C8orf89: variants seen among roughly 807,000 people sequenced by gnomAD.
The protein encoded by C8orf89 is putative uncharacterized protein C8orf89.
In C8orf89, 14 loss-of-function variants were observed where a neutral mutation model predicts 15.8. The observed-to-expected ratio is 0.89, with a 90% CI of 0.59 to 1.39. The LOEUF is 1.39. Among genes scored for constraint, C8orf89 ranks in the 40% most tolerant of loss-of-function variants. The pLI is 0.00. For synonymous variants in C8orf89, 55 were observed against 62.2 expected (o/e 0.88, Z 0.54); for missense variants, 181 against 184.5 (o/e 0.98, Z 0.11).
upstream of C8orf89, among the ~76,000 whole-genome samples, chr8:73,261,062 T>C (rs1043456322): frequency 2.0e-5 from 3 of 152,178 alleles, no homozygotes; most frequent in African/African-American, 7.2e-5. Flanking sequence ...CAGTGATTTG[T>C]CAGGGGCTCT....
chr8:73,259,848 GCTTA>G (rs1191672994), upstream of C8orf89, among the ~76,000 whole-genome samples: 4 of 152,034 alleles, frequency 2.6e-5, no homozygotes, highest in African/African-American at 9.7e-5. Flanking sequence ...CACTTACCCT[GCTTA>G]CTTAATATAT....
At chr8:73,273,999 T>G in the C8orf89 span, among the ~76,000 whole-genome samples, 1 of 152,144 alleles carries the variant, frequency 6.6e-6, no homozygotes, top group Non-Finnish European at 1.5e-5. Context: ...CAAATTATGC[T>G]TTTCTGAAAC....
chr8:73,273,434 C>T, the C8orf89 span, among the ~76,000 whole-genome samples: 3 of 152,244 alleles, frequency 2.0e-5, no homozygotes, highest in Non-Finnish European at 2.9e-5. Flanking sequence ...GGCGTGTGCT[C>T]GCTCAGGGAG....
At chr8:73,260,557 C>T (rs556284530), upstream of C8orf89, among the ~76,000 whole-genome samples, 3 of 152,048 alleles carry the variant, frequency 2.0e-5, no homozygotes, top group Admixed American at 6.6e-5. Context: ...AGAAAGAAAA[C>T]GGATAATACA....
the C8orf89 span, among the ~76,000 whole-genome samples, chr8:73,266,144 G>C: frequency 6.6e-6 from 1 of 152,300 alleles, no homozygotes; most frequent in Middle Eastern, 3.4e-3. Context: ...ACCTTTTCTT[G>C]TATCTCCATT....
chr8:73,249,500 C>A lies in C8orf89; in HGVS notation c.337+768G>T, dbSNP rs1237655187. Among the ~76,000 whole-genome samples, 4 of 152,092 alleles carry A rather than the reference C, an allele frequency of 2.6e-5. No homozygotes were observed. The South Asian group carries it at 8.3e-4, about 32-fold the overall frequency. The stretch of plus-strand genomic sequence containing the variant: ...ATAGTTTCAGTGTGAATGGTACCAG[C>A]TCTTTTTGTACATCTGGTAGAATTC... On this transcript the variant is annotated intron_variant, in intron 3 of 3. Coordinates refer to ENST00000624510, the MANE Select transcript of C8orf89 (RefSeq NM_001243237.3).
At chr8:73,278,471 A>C in the C8orf89 span, among the ~76,000 whole-genome samples, 1 of 152,126 alleles carries the variant, frequency 6.6e-6, no homozygotes, top group South Asian at 2.1e-4. Flanking sequence ...TGAGGGGCCA[A>C]ACCACCTGGC....
chr8:73,255,314 A>G (rs1347660677), intron 2 of C8orf89, among the ~76,000 whole-genome samples: 5 of 152,152 alleles, frequency 3.3e-5, no homozygotes, highest in Admixed American at 6.5e-5. Context: ...CGAAGGACAC[A>G]AACAGACACT....
chr8:73,280,505 G>C, the C8orf89 span, among the ~76,000 whole-genome samples: 1 of 152,052 alleles, frequency 6.6e-6, no homozygotes. Context: ...TGAGTAGCTG[G>C]GATTACAGGC....
chr8:73,243,203 G>A lies in C8orf89; in HGVS notation c.338-1598C>T, dbSNP rs374997125. ...GCGGGGGAAGTGGGGATGGTTTATA[G>A]GTACAAAAAATACAAAGAATGAATA... On this transcript the variant is annotated intron_variant, in intron 3 of 3. Coordinates refer to ENST00000624510, the MANE Select transcript of C8orf89 (RefSeq NM_001243237.3). 1.6e-4 allele frequency among the ~76,000 whole-genome samples: 25 copies of A among 152,122 alleles called. No homozygotes were observed. The East Asian group carries it at 3.1e-3, about 19-fold the overall frequency.
the C8orf89 span, among the ~76,000 whole-genome samples, chr8:73,283,249 G>C: frequency 1.3e-5 from 2 of 152,226 alleles, no homozygotes; most frequent in Non-Finnish European, 2.9e-5. Flanking sequence ...AATTGTGCAA[G>C]TTACTGGAGA....
chr8:73,252,826 T>G (rs1813277212), intron 2 of C8orf89, among the ~76,000 whole-genome samples: 1 of 152,200 alleles, frequency 6.6e-6, no homozygotes, highest in African/African-American at 2.4e-5. Flanking sequence ...TCACTTTTTT[T>G]AATACTACCA....
the C8orf89 span, among the ~76,000 whole-genome samples, chr8:73,281,523 G>A: frequency 2.0e-5 from 3 of 152,318 alleles, no homozygotes; most frequent in East Asian, 5.8e-4. Flanking sequence ...CATGGTCTAT[G>A]GGAGGTAGTG....
At chr8:73,274,085 G>A in the C8orf89 span, among the ~76,000 whole-genome samples, 1 of 151,774 alleles carries the variant, frequency 6.6e-6, no homozygotes, top group Non-Finnish European at 1.5e-5. Flanking sequence ...CTTGTCAAAA[G>A]GACTTTTTTT....
the C8orf89 span, among the ~76,000 whole-genome samples, chr8:73,267,043 T>C: frequency 2.6e-5 from 4 of 152,212 alleles, no homozygotes; most frequent in Admixed American, 2.6e-4. Context: ...GAATATTAAC[T>C]TTAATGGATT....
the C8orf89 span, among the ~76,000 whole-genome samples, chr8:73,279,971 G>A: frequency 1.9e-4 from 29 of 152,340 alleles, no homozygotes; most frequent in Non-Finnish European, 3.4e-4. Context: ...TTCCAGCTGA[G>A]GCTCCAGACA....
chr8:73,243,874 A>G lies in C8orf89; in HGVS notation c.338-2269T>C, dbSNP rs189886406. 6.6e-5 allele frequency among the ~76,000 whole-genome samples: 10 copies of G among 152,294 alleles called. No homozygotes were observed. The East Asian group carries it at 1.9e-3, about 29-fold the overall frequency. On this transcript the variant is annotated intron_variant, in intron 3 of 3. Coordinates refer to ENST00000624510, the MANE Select transcript of C8orf89 (RefSeq NM_001243237.3). ...TGACTATGTGCCTCAAAAAATATTT[A>G]TCTAAAAAACCTTTAATGCTTGTAT...
the C8orf89 span, among the ~76,000 whole-genome samples, chr8:73,280,388 T>G: frequency 6.6e-6 from 1 of 152,198 alleles, no homozygotes; most frequent in Non-Finnish European, 1.5e-5. Flanking sequence ...TTATTTATTT[T>G]TAAACGGAGT....
At chr8:73,262,275 C>T (rs1813543862), upstream of C8orf89, among the ~76,000 whole-genome samples, 1 of 152,102 alleles carries the variant, frequency 6.6e-6, no homozygotes, top group Non-Finnish European at 1.5e-5. Context: ...ACAGAAGAGG[C>T]CATCAGGGAC....
Sources: allele counts gnomAD v4.1 joint callset (sites outside exome capture counted in the v4.1 genomes callset), GRCh38; gene constraint gnomAD v4.1.1; transcripts MANE v1.5; gene names NCBI Gene and HGNC (gene_info 2026-07-23, HGNC 2026-07-21).